The following XYLT1 variants were observed in gnomAD, a reference collection of about 807,000 sequenced individuals.
The protein encoded by XYLT1 is beta-D-xylosyltransferase 1.
XYLT1 carries 36 observed loss-of-function variants against 91.3 expected under a neutral mutation model. The observed-to-expected ratio is 0.39, with a 90% confidence interval of 0.30 to 0.52. XYLT1 has a LOEUF of 0.52. Among genes scored for constraint, XYLT1 ranks in the 20% least tolerant of loss-of-function variants. The pLI, the probability that XYLT1 is intolerant of heterozygous loss-of-function variation, is 0.68. For synonymous variants in XYLT1, 588 were observed against 532.0 expected (o/e 1.11, Z -1.45); for missense variants, 1,242 against 1,284.5 (o/e 0.97, Z 0.51).
chr16:17,112,115 G>A (rs1966842652), intron 11 of XYLT1, among the ~76,000 whole-genome samples: 1 of 152,128 alleles, frequency 6.6e-6, no homozygotes, highest in Non-Finnish European at 1.5e-5. Flanking sequence ...CAAATATTGT[G>A]GTTGATGCAA....
At chr16:17,352,095 T>C (rs917546425) in intron 2 of XYLT1, among the ~76,000 whole-genome samples, 2 of 152,148 alleles carry the variant, frequency 1.3e-5, no homozygotes, top group African/African-American at 4.8e-5. Context: ...ACTTCCAGCC[T>C]GGTTGACAGA....
rs1206604655 is a variant in XYLT1, at chr16:17,312,643, C to T, written c.402+45369G>A. ...GGACTGCAGATTTTGTTTTTGTTTT[C>T]ACCCATTTTCAACATACTCATGTGT... On this transcript the variant is annotated intron_variant, in intron 2 of 11. Coordinates refer to ENST00000261381, the MANE Select transcript of XYLT1 (RefSeq NM_022166.4). The surrounding 1 kb of genome is among the most constrained non-coding windows in gnomAD (Gnocchi z 4.4). Among the ~76,000 whole-genome samples the T allele has an allele frequency of 6.6e-6, 1 of 152,136 alleles. No homozygotes were observed. The highest frequency in any genetic ancestry group is 1.5e-5 in the Non-Finnish European group (1 of 68,032).
chr16:17,426,533 G>A (rs552973528), intron 1 of XYLT1, among the ~76,000 whole-genome samples: 2 of 152,280 alleles, frequency 1.3e-5, no homozygotes, highest in African/African-American at 4.8e-5. Flanking sequence ...GAAAAAGTGT[G>A]AGTGAGACTC....
Position 17,108,881 on chromosome 16 carries a change from C to G in XYLT1, c.2694G>C (p.Thr898=). ...CCAGCCATCCCTCCAGCGCTGTGCC[C>G]GTGGAGGCTGCGTTCCTCCGTGCCT... ...VEQARRNAAS[T]GTALEGWLDS... is the part of the protein sequence containing the mutation. The change falls in exon 12 of 12, where the codon ACG becomes ACC. Residue 898 remains threonine, a synonymous_variant. Transcript: ENST00000261381. 6.2e-7 allele frequency: 1 copy of G among 1,611,792 alleles called. No homozygotes were observed. The highest frequency in any genetic ancestry group is 8.5e-7 in the Non-Finnish European group (1 of 1,178,572).
intron 2 of XYLT1, among the ~76,000 whole-genome samples, chr16:17,342,572 A>C (rs1483577786): frequency 6.6e-6 from 1 of 152,002 alleles, no homozygotes; most frequent in African/African-American, 2.4e-5. Flanking sequence ...AAGTACAAAA[A>C]TTAGTTGGGC....
chr16:17,460,774 G>A (rs904186628), intron 1 of XYLT1, among the ~76,000 whole-genome samples: 4 of 152,160 alleles, frequency 2.6e-5, no homozygotes, highest in Non-Finnish European at 4.4e-5. Context: ...GCTGTCTCAC[G>A]GCATATCCTA....
intron 5 of XYLT1, among the ~76,000 whole-genome samples, chr16:17,176,207 C>G (rs2031939964): frequency 1.3e-5 from 2 of 152,208 alleles, no homozygotes; most frequent in South Asian, 2.1e-4. Context: ...ATGTGCCAGG[C>G]ACTGTACCAG....
Position 17,103,120 on chromosome 16 carries a change from A to T in XYLT1, c.*5575T>A, listed in dbSNP as rs1966728761. 1 of 152,554 alleles carries T rather than the reference A, an allele frequency of 6.6e-6. No individual in the cohort carries two copies. The highest frequency in any genetic ancestry group is 6.5e-5 in the Admixed American group (1 of 15,272). 9.5% of individuals were successfully genotyped at this position (152,554 alleles called of 1,614,324 possible). On this transcript the variant is annotated 3_prime_UTR_variant, in exon 12 of 12. Coordinates refer to ENST00000261381, the MANE Select transcript of XYLT1 (RefSeq NM_022166.4). Reference sequence around the variant, plus strand: ...AAAGGGTGATTCCTTTGAGAACACTACCCATCTGCTGGGAATATTTAGTGC... The same window carrying T: ...AAAGGGTGATTCCTTTGAGAACACTTCCCATCTGCTGGGAATATTTAGTGC...
At chr16:17,118,569 G>A (rs567863746) in intron 10 of XYLT1, among the ~76,000 whole-genome samples, 4 of 152,252 alleles carry the variant, frequency 2.6e-5, no homozygotes, top group Non-Finnish European at 4.4e-5. Context: ...GATCTGGACT[G>A]TAAGCATGAG....
chr16:17,459,298 C>T (rs760930478), intron 1 of XYLT1, among the ~76,000 whole-genome samples: 2 of 152,114 alleles, frequency 1.3e-5, no homozygotes, highest in Admixed American at 6.5e-5. Context: ...CTTGAGCCTG[C>T]GAGGTCAAGG....
At chr16:17,317,609 C>T (rs1183172930) in intron 2 of XYLT1, among the ~76,000 whole-genome samples, 1 of 114,604 alleles carries the variant, frequency 8.7e-6, no homozygotes, top group Non-Finnish European at 1.6e-5. Flanking sequence ...CAGCCTGGGC[C>T]ACGGTGGGAG....
intron 6 of XYLT1, among the ~76,000 whole-genome samples, chr16:17,146,338 G>A (rs2031131924): frequency 6.6e-6 from 1 of 152,216 alleles, no homozygotes; most frequent in Admixed American, 6.5e-5. Context: ...TAATTCGGCT[G>A]AAATGTGCTT....
In XYLT1 at chr16:17,118,285, CGAAT is replaced by C. The variant is rs10524608; in HGVS notation, c.2224-310_2224-307del. Among the ~76,000 whole-genome samples, 678 of 151,468 alleles carry C rather than the reference CGAAT, an allele frequency of 4.5e-3. 1 individual carries two copies. The highest frequency in any genetic ancestry group is 0.014 in the African/African-American group (582 of 41,228). On this transcript the variant is annotated intron_variant, in intron 10 of 11. Transcript: ENST00000261381. ...TGAGCTGAATGAGTGAATGAATGAA[CGAAT>C]GAATGAATGAATGAATGCATGTCTT...
chr16:17,161,675 G>A (rs992093602), intron 5 of XYLT1, among the ~76,000 whole-genome samples: 4 of 94,476 alleles, frequency 4.2e-5, no homozygotes, highest in Admixed American at 2.8e-4. Context: ...AGTTTCTCGC[G>A]CGCTCTCTCT....
chr16:17,212,507 T>C (rs2032778063), intron 3 of XYLT1, among the ~76,000 whole-genome samples: 1 of 152,146 alleles, frequency 6.6e-6, no homozygotes, highest in African/African-American at 2.4e-5. Flanking sequence ...GGAAAGAATT[T>C]TACCCAAACA....
chr16:17,237,639 G>A (rs1353334630), intron 3 of XYLT1, among the ~76,000 whole-genome samples: 7 of 152,154 alleles, frequency 4.6e-5, no homozygotes, highest in South Asian at 2.1e-4. Flanking sequence ...ATCCGGAGAC[G>A]GATTCATCAG....
chr16:17,296,463 G>A (rs983497585), intron 2 of XYLT1, among the ~76,000 whole-genome samples: 9 of 152,112 alleles, frequency 5.9e-5, no homozygotes, highest in African/African-American at 9.7e-5. Context: ...CAGAGGACCC[G>A]ATTCCCTGTT....
chr16:17,116,771 A>G (rs1484837390), intron 11 of XYLT1, among the ~76,000 whole-genome samples: 1 of 152,240 alleles, frequency 6.6e-6, no homozygotes, highest in Non-Finnish European at 1.5e-5. Flanking sequence ...CTAGCACTGC[A>G]TGAATGCCTA....
chr16:17,464,326 T>C (rs538049733), intron 1 of XYLT1, among the ~76,000 whole-genome samples: 11 of 152,078 alleles, frequency 7.2e-5, no homozygotes, highest in Non-Finnish European at 1.3e-4. Flanking sequence ...TCATCTCTAC[T>C]AAAAATACAA....
Sources: allele counts gnomAD v4.1 joint callset (sites outside exome capture counted in the v4.1 genomes callset), GRCh38; gene constraint gnomAD v4.1.1; non-coding constraint Gnocchi (gnomAD v3.1); transcripts MANE v1.5; gene names NCBI Gene and HGNC (gene_info 2026-07-23, HGNC 2026-07-21).